The following ZDHHC14 variants were observed in gnomAD, a reference collection of about 807,000 sequenced individuals.
ZDHHC14 encodes palmitoyltransferase ZDHHC14.
Under a neutral mutation model 47.7 loss-of-function variants are expected in ZDHHC14, and 16 were observed. The ratio of observed to expected loss-of-function variants is 0.34; its 90% CI spans 0.23 to 0.51. The LOEUF is 0.51. ZDHHC14 is among the 20% of genes least tolerant of loss of function. ZDHHC14 has a pLI of 0.97. For missense variants in ZDHHC14, 515 were observed against 662.5 expected (o/e 0.78, Z 2.44); for synonymous variants, 293 against 278.9 (o/e 1.05, Z -0.50).
At chr6:157,511,276 C>T (rs1780468797) in intron 1 of ZDHHC14, among the ~76,000 whole-genome samples, 1 of 152,180 alleles carries the variant, frequency 6.6e-6, no homozygotes, top group Non-Finnish European at 1.5e-5. Context: ...TGGAATTTCT[C>T]TTTTAGTTTA....
At chr6:157,602,606 C>T (rs1368135484) in intron 3 of ZDHHC14, among the ~76,000 whole-genome samples, 1 of 151,746 alleles carries the variant, frequency 6.6e-6, no homozygotes. Context: ...ATAGGAGTTA[C>T]AGTGTATAGA....
chr6:157,418,023 T>G (rs1285031424), intron 1 of ZDHHC14, among the ~76,000 whole-genome samples: 1 of 151,364 alleles, frequency 6.6e-6, no homozygotes, highest in Non-Finnish European at 1.5e-5. Flanking sequence ...TCCATCTGCT[T>G]AGCGATGTCT....
intron 1 of ZDHHC14, among the ~76,000 whole-genome samples, chr6:157,479,290 T>G (rs1779564182): frequency 6.6e-6 from 1 of 152,258 alleles, no homozygotes; most frequent in African/African-American, 2.4e-5. Flanking sequence ...GTCTTAGAAC[T>G]GTGATTGGCA....
chr6:157,390,991 C>A (rs537693806), intron 1 of ZDHHC14, among the ~76,000 whole-genome samples: 1 of 152,052 alleles, frequency 6.6e-6, no homozygotes, highest in East Asian at 1.9e-4. Context: ...AATTTAAATT[C>A]TTTTTTCAGG....
intron 2 of ZDHHC14, among the ~76,000 whole-genome samples, chr6:157,581,694 C>A (rs868171266): frequency 6.6e-6 from 1 of 151,506 alleles, no homozygotes; most frequent in African/African-American, 2.4e-5. Context: ...CTTTTTTGAT[C>A]TCTGTTGGTT....
intron 1 of ZDHHC14, among the ~76,000 whole-genome samples, chr6:157,419,413 C>CCCATACATATTTTGTATGATA (rs1778052960): frequency 6.6e-6 from 1 of 152,256 alleles, no homozygotes; most frequent in East Asian, 1.9e-4. Flanking sequence ...TTCTAAATTC[C>CCCATACATATTTTGTATGATA]CTGTATGGTA....
At chr6:157,512,402 C>T (rs543965860) in intron 1 of ZDHHC14, among the ~76,000 whole-genome samples, 3 of 152,328 alleles carry the variant, frequency 2.0e-5, no homozygotes, top group Admixed American at 1.3e-4. Context: ...GGCCATTTTC[C>T]GCCTTAGGAT....
intron 3 of ZDHHC14, among the ~76,000 whole-genome samples, chr6:157,613,962 G>T (rs972066930): frequency 3.3e-5 from 5 of 152,186 alleles, no homozygotes; most frequent in Non-Finnish European, 7.3e-5. Context: ...TTTAGTGTTT[G>T]CTGACTCTTC....
intron 3 of ZDHHC14, among the ~76,000 whole-genome samples, chr6:157,621,747 A>T (rs755978087): frequency 1.1e-4 from 16 of 152,218 alleles, no homozygotes; most frequent in Non-Finnish European, 2.1e-4. Flanking sequence ...GATCTCCAGC[A>T]GCCTTCAGAT....
intron 1 of ZDHHC14, among the ~76,000 whole-genome samples, chr6:157,444,675 C>CAAA (rs34402178): frequency 2.5e-5 from 3 of 118,256 alleles, no homozygotes; most frequent in African/African-American, 9.5e-5. Flanking sequence ...GAGACTCCGT[C>CAAA]AAAAAAAAAA....
At chr6:157,559,354 C>T (rs1040064056) in intron 2 of ZDHHC14, among the ~76,000 whole-genome samples, 6 of 152,224 alleles carry the variant, frequency 3.9e-5, no homozygotes, top group South Asian at 2.1e-4. Context: ...CTGGCTGACG[C>T]GCTCTTCTCC....
chr6:157,502,323 C>A lies in ZDHHC14; in HGVS notation c.246-40262C>A, dbSNP rs193073103. Among the ~76,000 whole-genome samples the A allele has an allele frequency of 3.3e-5, 5 of 152,164 alleles. No homozygotes were observed. Among genetic ancestry groups the A allele is most frequent in the Admixed American group, 3.3e-4 (5 of 15,284 alleles). ...CAAGGACACCGTGACTGTATGTGAG[C>A]CAAAAGTGTCCCCATACATGTTGAG... On this transcript the variant is annotated intron_variant, in intron 1 of 8. Coordinates refer to ENST00000359775, the MANE Select transcript of ZDHHC14 (RefSeq NM_024630.3). The surrounding 1 kb of genome is among the most constrained non-coding windows in gnomAD (Gnocchi z 4.0).
intron 1 of ZDHHC14, among the ~76,000 whole-genome samples, chr6:157,413,770 A>C (rs1777917707): frequency 6.6e-6 from 1 of 152,034 alleles, no homozygotes; most frequent in Admixed American, 6.6e-5. Flanking sequence ...CTTTCTCTGG[A>C]AAATGTGTGC....
At chr6:157,608,944 T>G (rs1371181017) in intron 3 of ZDHHC14, among the ~76,000 whole-genome samples, 2 of 152,156 alleles carry the variant, frequency 1.3e-5, no homozygotes, top group Non-Finnish European at 2.9e-5. Flanking sequence ...GCCAAAGAAC[T>G]GACAGGACTT....
chr6:157,400,830 T>C (rs1303608939), intron 1 of ZDHHC14, among the ~76,000 whole-genome samples: 1 of 152,242 alleles, frequency 6.6e-6, no homozygotes, highest in Non-Finnish European at 1.5e-5. Context: ...TTCCTTTGGC[T>C]CTGCCTCTTA....
intron 3 of ZDHHC14, among the ~76,000 whole-genome samples, chr6:157,625,615 A>G (rs1377892578): frequency 6.6e-6 from 1 of 152,048 alleles, no homozygotes; most frequent in Non-Finnish European, 1.5e-5. Context: ...AGGTGTAAGA[A>G]TGTGGGGTGG....
chr6:157,477,076 A>G (rs1225830575), intron 1 of ZDHHC14, among the ~76,000 whole-genome samples: 1 of 152,164 alleles, frequency 6.6e-6, no homozygotes, highest in Non-Finnish European at 1.5e-5. Flanking sequence ...GAGAGAAATA[A>G]CAGGCATCCA....
intron 2 of ZDHHC14, among the ~76,000 whole-genome samples, chr6:157,552,052 G>T (rs1224120894): frequency 1.3e-5 from 2 of 152,068 alleles, no homozygotes; most frequent in Non-Finnish European, 2.9e-5. Context: ...TATTTCGACG[G>T]TTCCACTGCT....
At chr6:157,505,061 G>A (rs1012038494) in intron 1 of ZDHHC14, among the ~76,000 whole-genome samples, 2 of 151,082 alleles carry the variant, frequency 1.3e-5, no homozygotes, top group African/African-American at 4.9e-5. Context: ...CCACCCGCCT[G>A]GGCCTCCCAA....
Sources: gnomAD v4.1 joint callset for allele counts (sites outside exome capture counted in the v4.1 genomes callset) on GRCh38, gnomAD v4.1.1 for gene constraint, Gnocchi (gnomAD v3.1) non-coding constraint, MANE v1.5 for transcripts, NCBI Gene and HGNC (gene_info 2026-07-23, HGNC 2026-07-21) for gene names.